Variants in MXI1 observed in about 807,000 individuals in gnomAD.
MXI1 encodes the protein MAX interactor 1, dimerization protein, also known as max-interacting protein 1.
In MXI1, 18 loss-of-function variants were observed where a neutral mutation model predicts 36.9. That is an observed-to-expected ratio of 0.49 (90% CI 0.34 to 0.72). The LOEUF (loss-of-function observed/expected upper bound fraction) is 0.72, where lower values mean the gene tolerates loss of function less well. Among genes scored for constraint, MXI1 ranks in the 30% least tolerant of loss-of-function variants. MXI1 has a pLI of 0.01. For missense variants in MXI1, 304 were observed against 379.1 expected (o/e 0.80, Z 1.64); for synonymous variants, 160 against 146.7 (o/e 1.09, Z -0.65).
chr10:110,209,736 C>T (rs1285161174), intron 1 of MXI1, among the ~76,000 whole-genome samples: 1 of 152,020 alleles, frequency 6.6e-6, no homozygotes, highest in Non-Finnish European at 1.5e-5. Flanking sequence ...TGGTGGGGAG[C>T]TGGGTGAAGA....
At position 110,286,318 on chromosome 10, in the gene MXI1, T is replaced by G. The variant is rs917467267; in HGVS notation, c.*1331T>G. On this transcript the variant is annotated 3_prime_UTR_variant, in exon 6 of 6. Transcript: ENST00000332674. ...TACGAATATTTTCAGTAATGTTATT[T>G]TCTTCTAAGTGAAATTTCTAGCCTG... 6.6e-6 allele frequency: 1 copy of G among 152,610 alleles called. No homozygotes were observed. Among genetic ancestry groups the G allele is most frequent in the African/African-American group, 2.4e-5 (1 of 41,434 alleles). 9.5% of individuals were successfully genotyped at this position (152,610 alleles called of 1,614,324 possible).
chr10:110,209,296 A>G (rs1481426786), intron 1 of MXI1, among the ~76,000 whole-genome samples: 2 of 152,122 alleles, frequency 1.3e-5, no homozygotes, highest in Non-Finnish European at 2.9e-5. Context: ...AGGAAGATCA[A>G]TGAGGCGCGA....
At chr10:110,275,800 C>G (rs945861418) in intron 3 of MXI1, among the ~76,000 whole-genome samples, 1 of 152,194 alleles carries the variant, frequency 6.6e-6, no homozygotes, top group African/African-American at 2.4e-5. Context: ...AAATAATTCA[C>G]TGTTCATCTT....
Position 110,207,707 on chromosome 10 carries a change from C to A in MXI1, c.-102C>A. The A allele has an allele frequency of 1.3e-6, 1 of 761,976 alleles. No homozygotes were observed. Among genetic ancestry groups the A allele is most frequent in the Non-Finnish European group, 1.6e-6 (1 of 616,926 alleles). 47.2% of individuals were successfully genotyped at this position (761,976 alleles called of 1,614,324 possible). On this transcript the variant is annotated 5_prime_UTR_variant, in exon 1 of 6. Coordinates refer to ENST00000332674, the MANE Select transcript of MXI1 (RefSeq NM_130439.3). The stretch of plus-strand genomic sequence containing the variant: ...AAGTCAGGCCGGCTTTTCGCCCCGG[C>A]GCCTTCTCTGCTCCAGCCGGCCGGG...
intron 1 of MXI1, among the ~76,000 whole-genome samples, chr10:110,216,665 G>GTTTTTTTTTTGTTTTTTTTTTTTT (rs1854645560): frequency 7.6e-5 from 6 of 79,060 alleles, no homozygotes; most frequent in African/African-American, 4.8e-4. Context: ...TGTGTTTAAT[G>GTTTTTTTTTTGTTTTTTTTTTTTT]TTTTTTTTTT....
At chr10:110,243,529 A>C (rs1388513765) in intron 2 of MXI1, among the ~76,000 whole-genome samples, 8 of 152,130 alleles carry the variant, frequency 5.3e-5, no homozygotes, top group Admixed American at 6.6e-5. Flanking sequence ...TGAAATAATC[A>C]GATTAAAGCC....
chr10:110,281,256 A>C (rs1309359385), intron 5 of MXI1, among the ~76,000 whole-genome samples: 12 of 152,230 alleles, frequency 7.9e-5, no homozygotes. Context: ...AATCCCAGAT[A>C]ACATCATTTT....
chr10:110,280,188 C>A (rs1857181416), intron 5 of MXI1, 103 bp downstream of exon 5: 3 of 955,448 alleles, frequency 3.1e-6, no homozygotes, highest in African/African-American at 3.3e-5. Context: ...TTCTAGCCAA[C>A]AGAGTAACAT....
chr10:110,227,633 C>T (rs1332934183), intron 1 of MXI1: 3 of 847,302 alleles, frequency 3.5e-6, no homozygotes, highest in African/African-American at 3.7e-5. Flanking sequence ...GGGGGAAAAC[C>T]GGTGGAGAGG....
At chr10:110,215,019 T>C (rs930031075) in intron 1 of MXI1, among the ~76,000 whole-genome samples, 3 of 149,842 alleles carry the variant, frequency 2.0e-5, no homozygotes, top group Non-Finnish European at 3.0e-5. Context: ...TTTTTCTTTC[T>C]GCTCCACTTC....
At chr10:110,273,289 C>T (rs1272249018) in intron 3 of MXI1, among the ~76,000 whole-genome samples, 2 of 151,936 alleles carry the variant, frequency 1.3e-5, no homozygotes, top group African/African-American at 4.8e-5. Context: ...CCTCATGATC[C>T]GCCCGCCTCG....
chr10:110,267,265 A>G (rs1856703554), intron 3 of MXI1, among the ~76,000 whole-genome samples: 2 of 152,232 alleles, frequency 1.3e-5, no homozygotes, highest in Non-Finnish European at 2.9e-5. Flanking sequence ...AAATAAAATC[A>G]AACCAAGTTT....
At chr10:110,212,505 A>G (rs1260654042) in intron 1 of MXI1, among the ~76,000 whole-genome samples, 1 of 152,074 alleles carries the variant, frequency 6.6e-6, no homozygotes, top group South Asian at 2.1e-4. Flanking sequence ...CAAGACTTAG[A>G]TCAGTTTCCA....
At chr10:110,272,317 C>T (rs56932808) in intron 3 of MXI1, among the ~76,000 whole-genome samples, 1 of 152,068 alleles carries the variant, frequency 6.6e-6, no homozygotes, top group Non-Finnish European at 1.5e-5. Context: ...CATTTCTGGT[C>T]CTAAGCATTT....
chr10:110,280,830 T>C (rs1423456184), intron 5 of MXI1, among the ~76,000 whole-genome samples: 2 of 152,152 alleles, frequency 1.3e-5, no homozygotes, highest in African/African-American at 2.4e-5. Context: ...TTTCCATCTA[T>C]CCTAGAATAT....
chr10:110,226,019 C>A (rs920155058), intron 1 of MXI1: 1 of 981,318 alleles, frequency 1.0e-6, no homozygotes, highest in South Asian at 4.7e-5. Flanking sequence ...GCGGGCTGCC[C>A]GCGGCACGGC....
chr10:110,256,822 G>A (rs971664732), intron 3 of MXI1, among the ~76,000 whole-genome samples: 2 of 152,088 alleles, frequency 1.3e-5, no homozygotes, highest in Non-Finnish European at 2.9e-5. Context: ...TGAGTTTGCA[G>A]TTTGGCACTT....
At chr10:110,261,997 G>A (rs1190204715) in intron 3 of MXI1, among the ~76,000 whole-genome samples, 5 of 152,058 alleles carry the variant, frequency 3.3e-5, no homozygotes, top group African/African-American at 1.2e-4. Flanking sequence ...TGTGTATGTG[G>A]AGAGATTTCC....
chr10:110,246,425 C>T (rs2134396489), intron 3 of MXI1, among the ~76,000 whole-genome samples: 1 of 152,198 alleles, frequency 6.6e-6, no homozygotes, highest in Admixed American at 6.5e-5. Context: ...TTTTGTCCTC[C>T]CTTTAACAAA....
Sources: allele counts gnomAD v4.1 joint callset (sites outside exome capture counted in the v4.1 genomes callset), GRCh38; gene constraint gnomAD v4.1.1; transcripts MANE v1.5; gene names NCBI Gene and HGNC (gene_info 2026-07-23, HGNC 2026-07-21).